Variants in MACROD2 observed in about 807,000 individuals in gnomAD.
The protein encoded by MACROD2 is mono-ADP ribosylhydrolase 2.
Under a neutral mutation model 70.4 loss-of-function variants are expected in MACROD2, and 36 were observed. The observed-to-expected ratio is 0.51, with a 90% CI of 0.39 to 0.68. The LOEUF is 0.68. MACROD2 is among the 30% of genes least tolerant of loss of function. MACROD2 has a pLI of 0.00. For synonymous variants in MACROD2, 172 were observed against 178.8 expected (o/e 0.96, Z 0.30); for missense variants, 496 against 538.4 (o/e 0.92, Z 0.78).
intron 5 of MACROD2, among the ~76,000 whole-genome samples, chr20:14,862,118 A>AAT (rs769828554): frequency 0.85 from 7,381 of 8,702 alleles, 3,324 homozygotes; most frequent in African/African-American, 0.95. Context: ...TAAATATATA[A>AAT]ATATATAATA....
chr20:15,687,782 G>A (rs2050247310), intron 8 of MACROD2, among the ~76,000 whole-genome samples: 1 of 152,058 alleles, frequency 6.6e-6, no homozygotes, highest in African/African-American at 2.4e-5. Context: ...GCTAGGTGGT[G>A]GCAGCAGGAG....
intron 7 of MACROD2, among the ~76,000 whole-genome samples, chr20:15,490,369 A>G (rs539146890): frequency 5.3e-5 from 8 of 151,738 alleles, no homozygotes; most frequent in Admixed American, 5.3e-4. Context: ...GTCTCAAGCA[A>G]TCCTCCCATC....
At chr20:14,947,482 G>C (rs1434571673) in intron 5 of MACROD2, among the ~76,000 whole-genome samples, 1 of 152,144 alleles carries the variant, frequency 6.6e-6, no homozygotes, top group Non-Finnish European at 1.5e-5. Flanking sequence ...TCAAGTAAAG[G>C]CTTTAGCAAG....
chr20:15,287,236 A>G (rs1242382829), intron 6 of MACROD2, among the ~76,000 whole-genome samples: 3 of 152,236 alleles, frequency 2.0e-5, no homozygotes, highest in Non-Finnish European at 2.9e-5. Context: ...AGCAAGAAAG[A>G]GAGCTATTTT....
chr20:15,112,660 A>C (rs1223965776), intron 5 of MACROD2, among the ~76,000 whole-genome samples: 1 of 152,146 alleles, frequency 6.6e-6, no homozygotes, highest in Non-Finnish European at 1.5e-5. Flanking sequence ...AAAATTTCCC[A>C]TTTTATTCAA....
chr20:14,116,598 T>C (rs1370868023), intron 3 of MACROD2, among the ~76,000 whole-genome samples: 2 of 152,218 alleles, frequency 1.3e-5, no homozygotes, highest in African/African-American at 4.8e-5. Flanking sequence ...ATAAACATAA[T>C]AATGTAAATA....
intron 5 of MACROD2, among the ~76,000 whole-genome samples, chr20:15,134,942 G>A (rs1441611570): frequency 3.3e-5 from 5 of 152,184 alleles, no homozygotes; most frequent in South Asian, 2.1e-4. Flanking sequence ...GCACCTCTAC[G>A]CAAATAAACT....
chr20:15,627,663 G>GT (rs1446728199), intron 8 of MACROD2, among the ~76,000 whole-genome samples: 2 of 152,100 alleles, frequency 1.3e-5, no homozygotes, highest in African/African-American at 4.8e-5. Flanking sequence ...GGAGTCATGG[G>GT]TATCAGACCT....
chr20:14,220,193 G>A (rs2051341169), intron 3 of MACROD2, among the ~76,000 whole-genome samples: 2 of 152,024 alleles, frequency 1.3e-5, no homozygotes, highest in South Asian at 2.1e-4. Flanking sequence ...GTCCTTGGGC[G>A]GGTCTTGCTG....
At chr20:14,569,507 C>T (rs540094223) in intron 4 of MACROD2, among the ~76,000 whole-genome samples, 5 of 151,936 alleles carry the variant, frequency 3.3e-5, no homozygotes, top group East Asian at 1.9e-4. Flanking sequence ...CTCCACAACC[C>T]AGCATCATTC....
chr20:14,598,624 A>G (rs1002500087), intron 4 of MACROD2, among the ~76,000 whole-genome samples: 7 of 152,204 alleles, frequency 4.6e-5, no homozygotes, highest in African/African-American at 1.7e-4. Flanking sequence ...TTTACATGTT[A>G]ATTAAGTAAT....
At chr20:15,291,648 G>T (rs556113271) in intron 6 of MACROD2, among the ~76,000 whole-genome samples, 2 of 152,040 alleles carry the variant, frequency 1.3e-5, no homozygotes, top group Non-Finnish European at 2.9e-5. Context: ...ACTGTCTTTT[G>T]CAGGTGCACA....
At chr20:14,108,126 T>C (rs1269138453) in intron 3 of MACROD2, among the ~76,000 whole-genome samples, 1 of 152,024 alleles carries the variant, frequency 6.6e-6, no homozygotes, top group Non-Finnish European at 1.5e-5. Flanking sequence ...GGGGATGAAG[T>C]TAAGGTACAT....
chr20:16,033,774 C>T (rs2067185769), intron 15 of MACROD2, among the ~76,000 whole-genome samples: 1 of 151,720 alleles, frequency 6.6e-6, no homozygotes, highest in Admixed American at 6.6e-5. Flanking sequence ...TAAACTTCAT[C>T]CCCTTTCACT....
intron 3 of MACROD2, among the ~76,000 whole-genome samples, chr20:14,123,894 C>T (rs982387310): frequency 1.3e-5 from 2 of 152,138 alleles, no homozygotes; most frequent in Non-Finnish European, 2.9e-5. Flanking sequence ...TAGTAGTTGC[C>T]TGAAGATGCT....
intron 6 of MACROD2, among the ~76,000 whole-genome samples, chr20:15,268,364 G>T (rs773209969): frequency 6.6e-6 from 1 of 152,170 alleles, no homozygotes; most frequent in Non-Finnish European, 1.5e-5. Flanking sequence ...TTTAAAAATA[G>T]ATTGAGGGCC....
At position 15,311,707 on chromosome 20, in the gene MACROD2, C is replaced by T. The variant is rs186257924; in HGVS notation, c.540+81646C>T. On this transcript the variant is annotated intron_variant, in intron 6 of 17. Transcript: ENST00000684519. The stretch of plus-strand genomic sequence containing the variant: ...TACAGAAAACCAAATACTGCATGTT[C>T]TCACATATAAGTGGGAGCTAAATAT... Among the ~76,000 whole-genome samples the T allele has an allele frequency of 3.9e-5, 6 of 152,264 alleles. No individual in the cohort carries two copies. In the East Asian group the frequency reaches 7.7e-4, roughly 20 times the overall value.
chr20:15,729,947 G>C (rs190752545), intron 8 of MACROD2, among the ~76,000 whole-genome samples: 249 of 148,520 alleles, frequency 1.7e-3, no homozygotes, highest in Middle Eastern at 3.8e-3. Flanking sequence ...TCTTGACTCA[G>C]CCTCCTGAGT....
intron 8 of MACROD2, among the ~76,000 whole-genome samples, chr20:15,572,212 A>G (rs1382701422): frequency 6.6e-6 from 1 of 152,118 alleles, no homozygotes; most frequent in Non-Finnish European, 1.5e-5. Flanking sequence ...AAGGGTATGT[A>G]TCCTGGAAAT....
Sources: gnomAD v4.1 joint callset for allele counts (sites outside exome capture counted in the v4.1 genomes callset) on GRCh38, gnomAD v4.1.1 for gene constraint, MANE v1.5 for transcripts, NCBI Gene and HGNC (gene_info 2026-07-23, HGNC 2026-07-21) for gene names.